The following MXI1 variants were observed in gnomAD, a reference collection of about 807,000 sequenced individuals.
MXI1 encodes the protein max-interacting protein 1.
A neutral mutation model predicts 36.9 loss-of-function variants in MXI1; 18 were observed. The ratio of observed to expected loss-of-function variants is 0.49; its 90% CI spans 0.34 to 0.72. The LOEUF is 0.72. MXI1 is among the 30% of genes least tolerant of loss of function. The pLI, the probability that MXI1 is intolerant of heterozygous loss-of-function variation, is 0.01. For missense variants in MXI1, 304 were observed against 379.1 expected, an observed-to-expected ratio of 0.80 and a Z score of 1.64; for synonymous variants, 160 against 146.7, an observed-to-expected ratio of 1.09 and a Z score of -0.65.
intron 2 of MXI1, among the ~76,000 whole-genome samples, chr10:110,231,925 C>T (rs890815116): frequency 6.6e-6 from 1 of 152,116 alleles, no homozygotes; most frequent in African/African-American, 2.4e-5. Flanking sequence ...ACCATCATCT[C>T]TTACTTGGAC....
chr10:110,215,000 C>G (rs1854596551), intron 1 of MXI1, among the ~76,000 whole-genome samples: 1 of 149,614 alleles, frequency 6.7e-6, no homozygotes, highest in African/African-American at 2.5e-5. Context: ...CCATTCTTCT[C>G]CCTTCCCATT....
At chr10:110,271,158 A>G (rs1435649363) in intron 3 of MXI1, among the ~76,000 whole-genome samples, 1 of 151,906 alleles carries the variant, frequency 6.6e-6, no homozygotes, top group Non-Finnish European at 1.5e-5. Context: ...CTCTACATGT[A>G]GACATCTTTG....
chr10:110,244,089 T>C (rs963946598), intron 2 of MXI1, among the ~76,000 whole-genome samples: 2 of 152,062 alleles, frequency 1.3e-5, no homozygotes, highest in South Asian at 2.1e-4. Context: ...AAATAAGATA[T>C]ATTAACTGCT....
intron 2 of MXI1, among the ~76,000 whole-genome samples, chr10:110,240,113 A>G (rs1855616411): frequency 6.6e-6 from 1 of 152,046 alleles, no homozygotes; most frequent in Non-Finnish European, 1.5e-5. Context: ...TAGTTAGTTT[A>G]TTCTCATTGC....
chr10:110,280,704 G>T (rs1464728615), intron 5 of MXI1, among the ~76,000 whole-genome samples: 1 of 151,630 alleles, frequency 6.6e-6, no homozygotes, highest in African/African-American at 2.4e-5. Flanking sequence ...GAAAAGAAAT[G>T]ATGTTGTGCC....
chr10:110,278,439 T>G (rs1189663079), intron 3 of MXI1, among the ~76,000 whole-genome samples: 1 of 152,160 alleles, frequency 6.6e-6, no homozygotes, highest in Non-Finnish European at 1.5e-5. Flanking sequence ...AAAATTAAGC[T>G]AACGAGCTAG....
chr10:110,262,218 A>T (rs1305108720), intron 3 of MXI1, among the ~76,000 whole-genome samples: 1 of 152,132 alleles, frequency 6.6e-6, no homozygotes, highest in African/African-American at 2.4e-5. Flanking sequence ...CTGTGTCCTT[A>T]TTCCCTAAAC....
chr10:110,218,188 C>T (rs1475781862), intron 1 of MXI1, among the ~76,000 whole-genome samples: 4 of 152,106 alleles, frequency 2.6e-5, no homozygotes, highest in South Asian at 2.1e-4. Context: ...CGGTGGCTCA[C>T]GTCTGTAATC....
intron 3 of MXI1, among the ~76,000 whole-genome samples, chr10:110,278,661 T>G (rs907620359): frequency 6.6e-6 from 1 of 152,020 alleles, no homozygotes; most frequent in African/African-American, 2.4e-5. Flanking sequence ...TATAACAACA[T>G]GTAACACACT....
At chr10:110,284,046 G>C (rs558183096) in intron 5 of MXI1, among the ~76,000 whole-genome samples, 1 of 151,842 alleles carries the variant, frequency 6.6e-6, no homozygotes, top group East Asian at 1.9e-4. Context: ...TCCTGCCTTA[G>C]CCTCCCAAAG....
At chr10:110,237,495 AT>A (rs1855514773) in intron 2 of MXI1, among the ~76,000 whole-genome samples, 1 of 152,090 alleles carries the variant, frequency 6.6e-6, no homozygotes, top group African/African-American at 2.4e-5. Context: ...ACATTGATGG[AT>A]TTTTGAGTCT....
intron 3 of MXI1, among the ~76,000 whole-genome samples, chr10:110,277,439 G>A (rs886336215): frequency 6.6e-6 from 1 of 152,130 alleles, no homozygotes; most frequent in African/African-American, 2.4e-5. Context: ...TTTTGTTGTT[G>A]TTGCTGTTTG....
chr10:110,274,872 A>ATTTTTTT (rs66570053), intron 3 of MXI1, among the ~76,000 whole-genome samples: 4 of 109,998 alleles, frequency 3.6e-5, no homozygotes, highest in African/African-American at 7.5e-5. Context: ...GTGAATAAGG[A>ATTTTTTT]TTTTTTTTTT....
intron 3 of MXI1, chr10:110,257,312 G>GTT (rs555966373): frequency 2.3e-4 from 33 of 142,462 alleles, no homozygotes; most frequent in African/African-American, 3.8e-4. Flanking sequence ...TTTTTTTTTG[G>GTT]TTTTTTTTTT....
At chr10:110,244,753 G>A in intron 2 of MXI1, 75 bp from the exon 3 acceptor site, 1 of 1,230,280 alleles carries the variant, frequency 8.1e-7, no homozygotes, top group Non-Finnish European at 1.2e-6. Context: ...GTGTAGCATA[G>A]CAGTAACTAA....
intron 3 of MXI1, among the ~76,000 whole-genome samples, chr10:110,273,865 C>T (rs1225213861): frequency 2.6e-5 from 4 of 151,132 alleles, no homozygotes; most frequent in East Asian, 2.1e-4. Flanking sequence ...GCCAGTGGAT[C>T]GTTTGTGGGG....
At chr10:110,249,892 T>C (rs1361060674) in intron 3 of MXI1, among the ~76,000 whole-genome samples, 2 of 152,170 alleles carry the variant, frequency 1.3e-5, no homozygotes, top group African/African-American at 2.4e-5. Flanking sequence ...AAATTGCTGG[T>C]GAATGGCTAA....
At chr10:110,208,752 C>A (rs1029364056) in intron 1 of MXI1, among the ~76,000 whole-genome samples, 1 of 149,224 alleles carries the variant, frequency 6.7e-6, no homozygotes, top group Non-Finnish European at 1.5e-5. Context: ...CCCCCCCCCC[C>A]CAAAGAAGGA....
At chr10:110,245,296 A>G (rs1482500329) in intron 3 of MXI1, among the ~76,000 whole-genome samples, 1 of 152,168 alleles carries the variant, frequency 6.6e-6, no homozygotes, top group African/African-American at 2.4e-5. Flanking sequence ...CATGAGCTGT[A>G]TGTCAGTGCC....
Sources: gnomAD v4.1 joint callset for allele counts (sites outside exome capture counted in the v4.1 genomes callset) on GRCh38, gnomAD v4.1.1 for gene constraint, MANE v1.5 for transcripts, NCBI Gene and HGNC (gene_info 2026-07-23, HGNC 2026-07-21) for gene names.